CREB3L2: variants seen among roughly 807,000 people sequenced by gnomAD.
The protein encoded by CREB3L2 is cAMP responsive element binding protein 3 like 2.
Under a neutral mutation model 57.2 loss-of-function variants are expected in CREB3L2, and 23 were observed. The observed-to-expected ratio is 0.40, with a 90% CI of 0.29 to 0.57. The LOEUF (loss-of-function observed/expected upper bound fraction) is 0.57. Ranked by LOEUF, CREB3L2 falls within the 20% of genes least tolerant of loss-of-function variation. CREB3L2 has a pLI of 0.42. For synonymous variants in CREB3L2, 268 were observed against 265.1 expected, an observed-to-expected ratio of 1.01 and a Z score of -0.11; for missense variants, 628 against 634.7, an observed-to-expected ratio of 0.99 and a Z score of 0.11.
chr7:137,965,815 T>C (rs186031708), intron 1 of CREB3L2, among the ~76,000 whole-genome samples: 51 of 152,334 alleles, frequency 3.3e-4, no homozygotes, highest in African/African-American at 9.4e-4. Context: ...CTATTATTTA[T>C]GTCAAAATGG....
intron 1 of CREB3L2, among the ~76,000 whole-genome samples, chr7:137,977,078 C>T (rs529493584): frequency 2.6e-5 from 4 of 152,164 alleles, no homozygotes; most frequent in African/African-American, 7.2e-5. Context: ...AAGACAGACA[C>T]CCCCTGAGCT....
intron 1 of CREB3L2, among the ~76,000 whole-genome samples, chr7:137,961,895 C>T (rs1054666326): frequency 4.6e-5 from 7 of 152,134 alleles, no homozygotes; most frequent in Non-Finnish European, 4.4e-5. Context: ...TCAGTCTCTC[C>T]GTGGCAGGCC....
intron 1 of CREB3L2, among the ~76,000 whole-genome samples, chr7:137,968,917 GA>G (rs1371938172): frequency 2.0e-5 from 3 of 152,202 alleles, no homozygotes; most frequent in Non-Finnish European, 4.4e-5. Context: ...AAGAAAGTGA[GA>G]AGGGGCAAAA....
intron 11 of CREB3L2, among the ~76,000 whole-genome samples, chr7:137,881,384 T>G (rs1799287623): frequency 6.6e-6 from 1 of 152,204 alleles, no homozygotes; most frequent in Non-Finnish European, 1.5e-5. Context: ...GCATTTTGCA[T>G]TTTTGGATTA....
chr7:137,891,791 C>T (rs1799532735), intron 8 of CREB3L2, among the ~76,000 whole-genome samples: 1 of 152,114 alleles, frequency 6.6e-6, no homozygotes, highest in Non-Finnish European at 1.5e-5. Flanking sequence ...GTTGGTCAGG[C>T]TGGTCTTGAA....
chr7:137,905,161 G>A (rs557821491), intron 6 of CREB3L2, among the ~76,000 whole-genome samples: 1 of 151,486 alleles, frequency 6.6e-6, no homozygotes, highest in Non-Finnish European at 1.5e-5. Flanking sequence ...GGGGCCCAGG[G>A]GTAGGAGACT....
intron 8 of CREB3L2, among the ~76,000 whole-genome samples, chr7:137,886,512 T>C (rs1339745099): frequency 6.6e-6 from 1 of 152,118 alleles, no homozygotes; most frequent in African/African-American, 2.4e-5. Flanking sequence ...AACGGCTCTG[T>C]TTAAGGCAGA....
At position 137,916,770 on chromosome 7, in the gene CREB3L2, AAGAGTG is replaced by A. The variant is rs373859888; in HGVS notation, c.320-764_320-759del. Reference sequence around the variant, plus strand: ...AGGGGGAGGGGGAGCGAGAGAAAGCAAGAGTGAGAGTGAGAGTGAGAGCGAGAGCGA... The same window carrying A: ...AGGGGGAGGGGGAGCGAGAGAAAGCAAGAGTGAGAGTGAGAGCGAGAGCGA... On this transcript the variant is annotated intron_variant, in intron 2 of 11. Coordinates refer to ENST00000330387, the MANE Select transcript of CREB3L2 (RefSeq NM_194071.4). Among the ~76,000 whole-genome samples the A allele has an allele frequency of 3.7e-3, 558 of 151,916 alleles. 4 individuals carry two copies. The highest frequency in any genetic ancestry group is 0.011 in the African/African-American group (449 of 41,416).
intron 2 of CREB3L2, chr7:137,922,596 A>G: frequency 2.3e-6 from 1 of 441,622 alleles, no homozygotes; most frequent in Non-Finnish European, 4.6e-6. Flanking sequence ...TTACATGAGA[A>G]AAACACATAC....
At chr7:137,939,159 C>A (rs139015894) in intron 1 of CREB3L2, among the ~76,000 whole-genome samples, 6 of 152,104 alleles carry the variant, frequency 3.9e-5, no homozygotes, top group East Asian at 1.9e-4. Context: ...AAAAATAATG[C>A]GAAGAAAATT....
In CREB3L2 at chr7:137,875,907, A is replaced by C. The variant is rs1799139365; in HGVS notation, c.*4569T>G. The C allele has an allele frequency of 4.4e-6, 1 of 225,858 alleles. No homozygotes were observed. The highest frequency in any genetic ancestry group is 8.8e-6 in the Non-Finnish European group (1 of 113,472). 14.0% of individuals were successfully genotyped at this position (225,858 alleles called of 1,614,324 possible). A position where few individuals can be genotyped will look rare whatever the true frequency, so the allele number is the denominator to read the frequency against. ...TGAATTTTATGTTGTCCAAAATAAC[A>C]AAACAAAACAACACCTAGTTTTTTC... is the stretch of plus-strand genomic sequence containing the variant. On this transcript the variant is annotated 3_prime_UTR_variant, in exon 12 of 12. Coordinates refer to ENST00000330387, the MANE Select transcript of CREB3L2 (RefSeq NM_194071.4).
intron 1 of CREB3L2, among the ~76,000 whole-genome samples, chr7:137,959,576 G>C (rs1801281700): frequency 6.6e-6 from 1 of 152,168 alleles, no homozygotes; most frequent in Admixed American, 6.5e-5. Context: ...TAAGTTGTAT[G>C]GTGATTTGTT....
intron 1 of CREB3L2, chr7:137,953,626 C>T (rs1158646488): frequency 2.5e-6 from 2 of 815,316 alleles, no homozygotes; most frequent in African/African-American, 3.5e-5. Flanking sequence ...GTCCTTGTTT[C>T]ACTTGCATTG....
chr7:137,963,479 C>T (rs1801358703), intron 1 of CREB3L2, among the ~76,000 whole-genome samples: 1 of 152,138 alleles, frequency 6.6e-6, no homozygotes. Flanking sequence ...TTGTATTTAT[C>T]CTAAGGTAAA....
At chr7:137,924,906 A>G (rs1800419029) in intron 2 of CREB3L2, among the ~76,000 whole-genome samples, 2 of 152,186 alleles carry the variant, frequency 1.3e-5, no homozygotes, top group Non-Finnish European at 1.5e-5. Flanking sequence ...ATCTTAGAAC[A>G]GTTATTTTTA....
chr7:137,941,951 C>T (rs1240044117), intron 1 of CREB3L2, among the ~76,000 whole-genome samples: 3 of 152,134 alleles, frequency 2.0e-5, no homozygotes, highest in African/African-American at 7.2e-5. Flanking sequence ...TTAGTGAACT[C>T]GGTCGATTCT....
intron 1 of CREB3L2, among the ~76,000 whole-genome samples, chr7:137,963,388 C>T (rs994422532): frequency 2.0e-5 from 3 of 152,326 alleles, no homozygotes; most frequent in South Asian, 2.1e-4. Flanking sequence ...AAAACCAGTA[C>T]GGTATTCACT....
chr7:137,907,818 G>C (rs926423111), intron 5 of CREB3L2, among the ~76,000 whole-genome samples: 39 of 152,050 alleles, frequency 2.6e-4, no homozygotes, highest in African/African-American at 9.2e-4. Flanking sequence ...TGACCTTTAG[G>C]CATCAAAGAA....
rs561492483 is a variant in CREB3L2, at chr7:137,886,200, AT to A, written c.1044-699del. On this transcript the variant is annotated intron_variant, in intron 8 of 11. Transcript: ENST00000330387. ...ATAGCAACCTGAACAGACTAAGAAAATGTCGATTAAAAGAAGAACTCATTTA... is the reference window on the plus strand; with the variant it reads ...ATAGCAACCTGAACAGACTAAGAAAAGTCGATTAAAAGAAGAACTCATTTA... 2.1e-4 allele frequency among the ~76,000 whole-genome samples: 32 copies of A among 152,382 alleles called. No homozygotes were observed. In the East Asian group the frequency reaches 5.0e-3, roughly 24 times the overall value.
Sources: gnomAD v4.1 joint callset for allele counts (sites outside exome capture counted in the v4.1 genomes callset) on GRCh38, gnomAD v4.1.1 for gene constraint, MANE v1.5 for transcripts, NCBI Gene and HGNC (gene_info 2026-07-23, HGNC 2026-07-21) for gene names.